RPRD2: variants seen among roughly 807,000 people sequenced by gnomAD.
RPRD2 encodes regulation of nuclear pre-mRNA domain-containing protein 2.
Under a neutral mutation model 104.4 loss-of-function variants are expected in RPRD2, and 12 were observed. The observed-to-expected ratio is 0.11, with a 90% CI of 0.07 to 0.19. The LOEUF (loss-of-function observed/expected upper bound fraction) is 0.19, where lower values mean the gene tolerates loss of function less well. Among genes scored for constraint, RPRD2 ranks in the 10% least tolerant of loss-of-function variants. The pLI is 1.00. For missense variants in RPRD2, 1,543 were observed against 1,790.1 expected (o/e 0.86, Z 2.49); for synonymous variants, 714 against 684.9 (o/e 1.04, Z -0.66).
At chr1:150,434,804 G>C (rs1665883980) in intron 2 of RPRD2, among the ~76,000 whole-genome samples, 1 of 152,036 alleles carries the variant, frequency 6.6e-6, no homozygotes, top group Admixed American at 6.6e-5. Context: ...GTGACAGAGT[G>C]AGACCCTATC....
chr1:150,414,703 T>A (rs1553888246), intron 1 of RPRD2, among the ~76,000 whole-genome samples: 2 of 152,182 alleles, frequency 1.3e-5, no homozygotes, highest in Non-Finnish European at 1.5e-5. Flanking sequence ...TTGGAATTTG[T>A]TAGTAACCTT....
At chr1:150,432,318 TAGAG>T (rs587636631) in intron 2 of RPRD2, among the ~76,000 whole-genome samples, 100 of 152,072 alleles carry the variant, frequency 6.6e-4, no homozygotes, top group African/African-American at 2.2e-3. Context: ...GTTAGGTCCA[TAGAG>T]AGAGATTAAA....
intron 1 of RPRD2, among the ~76,000 whole-genome samples, chr1:150,366,553 A>C (rs587639066): frequency 6.6e-6 from 1 of 152,338 alleles, no homozygotes; most frequent in South Asian, 2.1e-4. Flanking sequence ...AGTATCTGCT[A>C]TGTGCCCAGT....
At chr1:150,411,983 C>T (rs1553887768) in intron 1 of RPRD2, among the ~76,000 whole-genome samples, 1 of 151,644 alleles carries the variant, frequency 6.6e-6, no homozygotes, top group Non-Finnish European at 1.5e-5. Flanking sequence ...ATTAGCCGGG[C>T]ATGGTGGCAA....
chr1:150,368,459 ATTTT>A (rs34949625), intron 1 of RPRD2, among the ~76,000 whole-genome samples: 2 of 103,692 alleles, frequency 1.9e-5, no homozygotes, highest in African/African-American at 3.9e-5. Context: ...AGCCCAGCTA[ATTTT>A]TTTTTTTTTT....
chr1:150,386,417 T>A (rs1411410156), intron 1 of RPRD2, among the ~76,000 whole-genome samples: 2 of 152,174 alleles, frequency 1.3e-5, no homozygotes, highest in Non-Finnish European at 2.9e-5. Context: ...AAGCCCCATC[T>A]CTACCAAGAA....
chr1:150,373,159 G>A (rs949171934), intron 1 of RPRD2, among the ~76,000 whole-genome samples: 5 of 151,988 alleles, frequency 3.3e-5, no homozygotes, highest in Admixed American at 3.3e-4. Context: ...GATTACAGGT[G>A]CATGCCACCA....
chr1:150,403,628 G>T (rs1009910410), intron 1 of RPRD2, among the ~76,000 whole-genome samples: 1 of 151,826 alleles, frequency 6.6e-6, no homozygotes, highest in Non-Finnish European at 1.5e-5. Context: ...ATATTCCATT[G>T]TATGCGTCCA....
intron 2 of RPRD2, among the ~76,000 whole-genome samples, chr1:150,427,792 C>G (rs1294936667): frequency 1.3e-5 from 2 of 152,130 alleles, no homozygotes; most frequent in Non-Finnish European, 2.9e-5. Context: ...TAGCGAGTCT[C>G]TGTCCCAAAT....
chr1:150,377,966 C>T (rs1305860708), intron 1 of RPRD2, among the ~76,000 whole-genome samples: 5 of 152,112 alleles, frequency 3.3e-5, no homozygotes, highest in Middle Eastern at 3.4e-3. Context: ...GAAAAGGAAA[C>T]GTGCCTGGTT....
intron 1 of RPRD2, among the ~76,000 whole-genome samples, chr1:150,404,785 T>A (rs1375814888): frequency 6.6e-6 from 1 of 152,150 alleles, no homozygotes; most frequent in East Asian, 1.9e-4. Context: ...ACATATTTTT[T>A]AAAAATCTGT....
chr1:150,369,331 T>TG (rs1473981728), intron 1 of RPRD2, among the ~76,000 whole-genome samples: 1 of 151,322 alleles, frequency 6.6e-6, no homozygotes, highest in Non-Finnish European at 1.5e-5. Context: ...TTGCCCAGGC[T>TG]GGAGTGCAGG....
At chr1:150,406,648 C>T (rs1553886565) in intron 1 of RPRD2, among the ~76,000 whole-genome samples, 2 of 152,166 alleles carry the variant, frequency 1.3e-5, no homozygotes, top group African/African-American at 4.8e-5. Flanking sequence ...ATCCTCCTGC[C>T]TAGGCCTCCA....
In RPRD2 at chr1:150,474,003, A is replaced by C. The variant is rs1668768387; in HGVS notation, c.*669A>C. Reference sequence around the variant, plus strand: ...AGCCTCAAGGTTAAAATAAGGAGTGACTACAGTATGTAAAATAAGGAAAGG... The same window carrying C: ...AGCCTCAAGGTTAAAATAAGGAGTGCCTACAGTATGTAAAATAAGGAAAGG... On this transcript the variant is annotated 3_prime_UTR_variant, in exon 11 of 11. Coordinates refer to ENST00000369068, the MANE Select transcript of RPRD2 (RefSeq NM_015203.5). 6.6e-6 allele frequency: 1 copy of C among 152,226 alleles called. No homozygotes were observed. Among genetic ancestry groups the C allele is most frequent in the Admixed American group, 6.5e-5 (1 of 15,284 alleles). The allele number at this position is 152,226 out of a possible 1,614,324, so 9.4% of individuals were successfully genotyped here. A position where few individuals can be genotyped will look rare whatever the true frequency, so the allele number is the denominator to read the frequency against.
chr1:150,472,515 A>G lies in RPRD2; in HGVS notation c.3567A>G (p.Thr1189=). 6.2e-7 allele frequency: 1 copy of G among 1,613,934 alleles called. No individual in the cohort carries two copies. Among genetic ancestry groups the G allele is most frequent in the South Asian group, 1.1e-5 (1 of 91,080 alleles). ...TTCGTTCCAACAGTTTCAACTCAACATTTGAGCATCATCTTCCCCCATCCC... is the reference window on the plus strand; with the variant it reads ...TTCGTTCCAACAGTTTCAACTCAACGTTTGAGCATCATCTTCCCCCATCCC... ...GSFRSNSFNS[T]FEHHLPPSPL... The change falls in exon 11 of 11, where the codon ACA becomes ACG. Residue 1189 remains threonine, a synonymous_variant. Coordinates refer to ENST00000369068, the MANE Select transcript of RPRD2 (RefSeq NM_015203.5).
At chr1:150,402,430 C>T (rs1383727890) in intron 1 of RPRD2, among the ~76,000 whole-genome samples, 1 of 152,058 alleles carries the variant, frequency 6.6e-6, no homozygotes, top group African/African-American at 2.4e-5. Flanking sequence ...GTAATCCCAG[C>T]ATTTTGGGAC....
chr1:150,470,231 C>G (rs1021753977), intron 10 of RPRD2, among the ~76,000 whole-genome samples: 1 of 151,994 alleles, frequency 6.6e-6, no homozygotes, highest in Middle Eastern at 3.2e-3. Flanking sequence ...ATAACTTTGC[C>G]TCCTTTCTTT....
intron 1 of RPRD2, among the ~76,000 whole-genome samples, chr1:150,375,698 T>C (rs1660633225): frequency 6.6e-6 from 1 of 152,206 alleles, no homozygotes; most frequent in African/African-American, 2.4e-5. Context: ...TTCTCTTTTT[T>C]CCTCCCACTT....
intron 1 of RPRD2, among the ~76,000 whole-genome samples, chr1:150,405,455 T>A (rs1004134341): frequency 6.6e-6 from 1 of 152,168 alleles, no homozygotes; most frequent in Non-Finnish European, 1.5e-5. Flanking sequence ...TATGCATGAT[T>A]TGTGCTATAT....
Sources: gnomAD v4.1 joint callset for allele counts (sites outside exome capture counted in the v4.1 genomes callset) on GRCh38, gnomAD v4.1.1 for gene constraint, MANE v1.5 for transcripts, NCBI Gene and HGNC (gene_info 2026-07-23, HGNC 2026-07-21) for gene names.